The following LMLN variants were observed in gnomAD, a reference collection of about 807,000 sequenced individuals.
LMLN encodes the protein leishmanolysin-like peptidase.
In LMLN, 70 loss-of-function variants were observed where a neutral mutation model predicts 92.3. The ratio of observed to expected loss-of-function variants is 0.76; its 90% CI spans 0.63 to 0.92. The LOEUF is 0.92. Among genes scored for constraint, LMLN ranks in the 40% least tolerant of loss-of-function variants. The pLI is 0.00. For missense variants in LMLN, 691 were observed against 814.6 expected, an observed-to-expected ratio of 0.85 and a Z score of 1.85; for synonymous variants, 308 against 296.2, an observed-to-expected ratio of 1.04 and a Z score of -0.41.
chr3:198,041,509 A>T (rs1723403428), exon 16 of LMLN: 1 of 152,220 alleles, frequency 6.6e-6, no homozygotes, highest in Admixed American at 6.5e-5. Context: ...GTCCATGCCC[A>T]AGATACCTCA....
chr3:198,008,434 T>G (rs1476239714), intron 11 of LMLN, among the ~76,000 whole-genome samples: 1 of 152,186 alleles, frequency 6.6e-6, no homozygotes, highest in African/African-American at 2.4e-5. Context: ...TGATTTAAAT[T>G]ATTATTTATG....
At chr3:197,968,087 A>G (rs1050812634) in intron 1 of LMLN, among the ~76,000 whole-genome samples, 2 of 152,344 alleles carry the variant, frequency 1.3e-5, no homozygotes, top group Admixed American at 6.5e-5. Flanking sequence ...GTTAGATACA[A>G]TTATCACAGT....
At chr3:198,020,768 A>ATTGTTTTTTTTTTTTTTTT (rs1722756549) in intron 12 of LMLN, among the ~76,000 whole-genome samples, 1 of 32,860 alleles carries the variant, frequency 3.0e-5, no homozygotes, top group Non-Finnish European at 5.4e-5. Context: ...TAATTTTTGT[A>ATTGTTTTTTTTTTTTTTTT]TTTTTTTTTT....
At chr3:197,996,635 C>G (rs1437826390) in intron 10 of LMLN, 8 of 156,640 alleles carry the variant, frequency 5.1e-5, no homozygotes, top group Non-Finnish European at 9.8e-5. Flanking sequence ...CTAAAAATAA[C>G]AAGACTTGTG....
chr3:198,001,677 T>C (rs149466885), intron 11 of LMLN, among the ~76,000 whole-genome samples: 1 of 152,292 alleles, frequency 6.6e-6, no homozygotes, highest in East Asian at 1.9e-4. Context: ...TCAGTTTCTG[T>C]CTGAGTGAGA....
chr3:197,976,003 T>C, intron 3 of LMLN, 26 bp from the exon 4 acceptor site: 1 of 1,323,738 alleles, frequency 7.6e-7, no homozygotes, highest in Non-Finnish European at 1.1e-6. Context: ...TAATTCTGTT[T>C]CTTTTTTTTT....
intron 9 of LMLN, among the ~76,000 whole-genome samples, chr3:197,992,498 G>A (rs1721903773): frequency 6.6e-6 from 1 of 152,182 alleles, no homozygotes; most frequent in African/African-American, 2.4e-5. Flanking sequence ...ATGAGAGACT[G>A]TTATAAACAA....
chr3:198,025,667 G>A lies in LMLN; in HGVS notation c.1656+879G>A, dbSNP rs150212852. On this transcript the variant is annotated intron_variant, in intron 14 of 15. Coordinates refer to ENST00000330198, the Ensembl canonical transcript of LMLN. This position sits in a 1 kb window ranked among gnomAD's most constrained non-coding sequence, Gnocchi z 4.3. ...TTATAGATGGCGGCCACCATGCCTC[G>A]CCTACTATTTCCTTAATTATCTTAT... Among the ~76,000 whole-genome samples, 157 of 152,236 alleles carry A rather than the reference G, an allele frequency of 1.0e-3. 1 individual carries two copies. Among genetic ancestry groups the A allele is most frequent in the African/African-American group, 3.5e-3 (144 of 41,542 alleles).
chr3:198,022,974 A>T (rs1007762306), intron 13 of LMLN, among the ~76,000 whole-genome samples: 9 of 152,222 alleles, frequency 5.9e-5, no homozygotes, highest in African/African-American at 2.2e-4. Context: ...GAGATGTACT[A>T]TCACATGTTA....
chr3:197,968,515 A>C (rs2109845940), intron 1 of LMLN, among the ~76,000 whole-genome samples: 1 of 152,258 alleles, frequency 6.6e-6, no homozygotes, highest in South Asian at 2.1e-4. Context: ...ATGTCCATGA[A>C]ATCTTCACAA....
At chr3:198,001,227 T>C (rs966438769) in intron 11 of LMLN, among the ~76,000 whole-genome samples, 1 of 152,240 alleles carries the variant, frequency 6.6e-6, no homozygotes, top group African/African-American at 2.4e-5. Flanking sequence ...CCTACTAGAT[T>C]ATGATCTTCA....
At chr3:197,972,221 G>A (rs1167512707) in intron 1 of LMLN, among the ~76,000 whole-genome samples, 1 of 151,616 alleles carries the variant, frequency 6.6e-6, no homozygotes, top group Non-Finnish European at 1.5e-5. Context: ...GCACCACCAC[G>A]CCTGGCTAAT....
intron 14 of LMLN, among the ~76,000 whole-genome samples, chr3:198,033,822 G>C (rs1011762466): frequency 6.6e-6 from 1 of 152,198 alleles, no homozygotes; most frequent in African/African-American, 2.4e-5. Flanking sequence ...ATCAAGTCTC[G>C]CTTTAAAGAA....
At chr3:198,035,200 CA>C (rs33926276) in intron 14 of LMLN, among the ~76,000 whole-genome samples, 1,255 of 96,566 alleles carry the variant, frequency 0.013, 11 homozygotes, top group Middle Eastern at 0.058. Context: ...GACCCCATCT[CA>C]AAAAAAAAAA....
chr3:198,016,018 AC>A (rs1322459450), intron 11 of LMLN, among the ~76,000 whole-genome samples: 1 of 151,614 alleles, frequency 6.6e-6, no homozygotes, highest in Non-Finnish European at 1.5e-5. Flanking sequence ...GGGCAACATG[AC>A]CCCATCTCTA....
intron 1 of LMLN, among the ~76,000 whole-genome samples, chr3:197,972,256 G>T (rs1190004313): frequency 6.6e-6 from 1 of 151,866 alleles, no homozygotes; most frequent in Non-Finnish European, 1.5e-5. Context: ...TGGAGACAGG[G>T]TCTCACCATG....
chr3:197,972,274 G>A (rs1721251181), intron 1 of LMLN, among the ~76,000 whole-genome samples: 1 of 152,018 alleles, frequency 6.6e-6, no homozygotes, highest in East Asian at 1.9e-4. Flanking sequence ...ATGTTGGCCA[G>A]GCTGGTCTGG....
chr3:198,032,593 T>C (rs1723106522), intron 14 of LMLN, among the ~76,000 whole-genome samples: 1 of 152,100 alleles, frequency 6.6e-6, no homozygotes, highest in South Asian at 2.1e-4. Flanking sequence ...CTCAGGAAGC[T>C]TACAGTCATG....
Position 197,976,597 on chromosome 3 carries a change from G to A in LMLN, c.432-1G>A. The A allele has an allele frequency of 6.5e-7, 1 of 1,545,462 alleles. No individual in the cohort carries two copies. The highest frequency in any genetic ancestry group is 8.9e-7 in the Non-Finnish European group (1 of 1,129,774). On this transcript the variant is annotated splice_acceptor_variant, in intron 4 of 15. Coordinates refer to ENST00000330198, the Ensembl canonical transcript of LMLN. LOFTEE classifies it high-confidence loss of function. ...AACTTTGATGTACAAATGGACTGAA[G>A]ACAATGTGCAACAAACCAATACCTC...
Sources: gnomAD v4.1 joint callset for allele counts (sites outside exome capture counted in the v4.1 genomes callset) on GRCh38, gnomAD v4.1.1 for gene constraint, Gnocchi (gnomAD v3.1) non-coding constraint, MANE v1.5 for transcripts, NCBI Gene and HGNC (gene_info 2026-07-23, HGNC 2026-07-21) for gene names.